SLC17A6: variants seen among roughly 807,000 people sequenced by gnomAD.
SLC17A6 encodes solute carrier family 17 member 6.
A neutral mutation model predicts 67.1 loss-of-function variants in SLC17A6; 35 were observed. The observed-to-expected ratio is 0.52, with a 90% CI of 0.40 to 0.69. SLC17A6 has a LOEUF of 0.69. Ranked by LOEUF, SLC17A6 falls within the 30% of genes least tolerant of loss-of-function variation. The probability of loss-of-function intolerance (pLI) is 0.00; values close to 1 mark genes in which losing one functional copy is unlikely to be tolerated. For missense variants in SLC17A6, 588 were observed against 723.9 expected, an observed-to-expected ratio of 0.81 and a Z score of 2.15; for synonymous variants, 285 against 252.3, an observed-to-expected ratio of 1.13 and a Z score of -1.23.
chr11:22,367,924 T>C (rs1181204796), intron 7 of SLC17A6, among the ~76,000 whole-genome samples: 2 of 152,188 alleles, frequency 1.3e-5, no homozygotes, highest in African/African-American at 4.8e-5. Flanking sequence ...GAACTTGCAT[T>C]TTAGTTAATT....
chr11:22,368,112 A>T (rs1229377328), intron 7 of SLC17A6, among the ~76,000 whole-genome samples: 1 of 152,188 alleles, frequency 6.6e-6, no homozygotes, highest in Non-Finnish European at 1.5e-5. Flanking sequence ...ATCCATAAAT[A>T]CTTCATATGC....
Position 22,378,721 on chromosome 11 carries a change from A to G in SLC17A6, c.*981A>G, listed in dbSNP as rs1856261860. ...TATGAAACTTGTGCCACAGAGCTAT[A>G]TATAATATGAAAAGATTAACTTCAT... On this transcript the variant is annotated 3_prime_UTR_variant, in exon 12 of 12. Coordinates refer to ENST00000263160, the MANE Select transcript of SLC17A6 (RefSeq NM_020346.3). 6.6e-6 allele frequency: 1 copy of G among 152,304 alleles called. No homozygotes were observed. 9.4% of individuals were successfully genotyped at this position (152,304 alleles called of 1,614,324 possible).
Position 22,374,965 on chromosome 11 carries a change from A to G in SLC17A6, c.1174+78A>G, listed in dbSNP as rs1856216669. The stretch of plus-strand genomic sequence containing the variant: ...TACATGAGAGAATAACTTTTTCTAC[A>G]CATATCAAATTACTTAGATGCAGTT... On this transcript the variant is annotated intron_variant, in intron 9 of 11. Coordinates refer to ENST00000263160, the MANE Select transcript of SLC17A6 (RefSeq NM_020346.3). The G allele has an allele frequency of 3.7e-6, 5 of 1,349,116 alleles. No individual in the cohort carries two copies. The African/African-American group carries it at 4.5e-5, about 12-fold the overall frequency. The allele number at this position is 1,349,116 out of a possible 1,614,324, so 83.6% of individuals were successfully genotyped here.
chr11:22,369,040 A>C (rs1856144214), intron 7 of SLC17A6, among the ~76,000 whole-genome samples: 1 of 151,492 alleles, frequency 6.6e-6, no homozygotes, highest in African/African-American at 2.4e-5. Context: ...ATAATTGTTA[A>C]ATCCACGTGA....
intron 1 of SLC17A6, 104 bp from the exon 2 acceptor site, chr11:22,341,424 C>A (rs1272529014): frequency 1.3e-6 from 2 of 1,489,488 alleles, no homozygotes; most frequent in East Asian, 2.3e-5. Flanking sequence ...GGGAGGTCGA[C>A]GGCCCTCCTC....
intron 7 of SLC17A6, among the ~76,000 whole-genome samples, chr11:22,367,310 T>C (rs1030685697): frequency 3.9e-5 from 6 of 152,118 alleles, no homozygotes; most frequent in African/African-American, 1.4e-4. Flanking sequence ...TCACCCATTA[T>C]TGTTGAGCCA....
chr11:22,374,072 A>G (rs1048839969), intron 8 of SLC17A6, among the ~76,000 whole-genome samples: 2 of 152,162 alleles, frequency 1.3e-5, no homozygotes, highest in African/African-American at 4.8e-5. Context: ...TGTCCCCATA[A>G]TGCTTACAAC....
At chr11:22,346,780 G>A (rs1279086865) in intron 3 of SLC17A6, among the ~76,000 whole-genome samples, 3 of 149,472 alleles carry the variant, frequency 2.0e-5, no homozygotes, top group Non-Finnish European at 4.4e-5. Flanking sequence ...GAAGAACACG[G>A]ACACGTGTTT....
At chr11:22,346,695 C>A (rs188976341) in intron 3 of SLC17A6, among the ~76,000 whole-genome samples, 1 of 151,634 alleles carries the variant, frequency 6.6e-6, no homozygotes, top group Non-Finnish European at 1.5e-5. Context: ...TACAGGACAT[C>A]GGCTTATAGT....
chr11:22,355,022 A>G (rs1564981463), intron 3 of SLC17A6, among the ~76,000 whole-genome samples: 1 of 152,244 alleles, frequency 6.6e-6, no homozygotes, highest in Non-Finnish European at 1.5e-5. Context: ...ACAACACATT[A>G]GTATTATTAT....
chr11:22,359,908 T>C (rs945819173), intron 4 of SLC17A6, among the ~76,000 whole-genome samples: 3 of 152,108 alleles, frequency 2.0e-5, no homozygotes, highest in African/African-American at 7.2e-5. Flanking sequence ...CTGATGGCCT[T>C]GAATCACGAT....
chr11:22,345,187 T>C (rs1855863143), intron 3 of SLC17A6, among the ~76,000 whole-genome samples: 1 of 151,572 alleles, frequency 6.6e-6, no homozygotes, highest in African/African-American at 2.4e-5. Flanking sequence ...AGGAAGTCAG[T>C]AAACGGGTTT....
chr11:22,344,219 T>A (rs1855851218), intron 3 of SLC17A6, among the ~76,000 whole-genome samples: 1 of 152,184 alleles, frequency 6.6e-6, no homozygotes, highest in Non-Finnish European at 1.5e-5. Context: ...TCTTTCTGCT[T>A]AGATACCGCA....
Position 22,356,915 on chromosome 11 carries a change from G to A in SLC17A6, c.459-2498G>A, listed in dbSNP as rs543407536. ...TAGAAACATTATTCAGAGTAAGAAT[G>A]AAAAGTAAACATTAAAAGTAATCTT... On this transcript the variant is annotated intron_variant, in intron 3 of 11. Transcript: ENST00000263160. Among the ~76,000 whole-genome samples the A allele has an allele frequency of 4.0e-3, 608 of 152,280 alleles. 1 individual carries two copies. The highest frequency in any genetic ancestry group is 7.2e-3 in the Non-Finnish European group (487 of 68,018).
intron 3 of SLC17A6, among the ~76,000 whole-genome samples, chr11:22,348,158 A>G (rs1166128139): frequency 6.6e-6 from 1 of 152,184 alleles, no homozygotes; most frequent in African/African-American, 2.4e-5. Context: ...CACTTGTCTG[A>G]TGATACATGA....
chr11:22,345,188 A>T (rs1352959912), intron 3 of SLC17A6, among the ~76,000 whole-genome samples: 1 of 151,962 alleles, frequency 6.6e-6, no homozygotes, highest in Non-Finnish European at 1.5e-5. Context: ...GGAAGTCAGT[A>T]AACGGGTTTT....
intron 2 of SLC17A6, chr11:22,342,892 T>C: frequency 2.1e-6 from 1 of 466,102 alleles, no homozygotes; most frequent in Non-Finnish European, 4.3e-6. Context: ...AGTGGACCCC[T>C]GACAGGCGTC....
intron 8 of SLC17A6, among the ~76,000 whole-genome samples, chr11:22,373,407 T>A (rs1022206117): frequency 2.0e-5 from 3 of 152,140 alleles, no homozygotes; most frequent in African/African-American, 7.2e-5. Flanking sequence ...TTACTCCATA[T>A]TAAGAATAAA....
At chr11:22,348,830 T>C (rs1855906283) in intron 3 of SLC17A6, among the ~76,000 whole-genome samples, 1 of 152,218 alleles carries the variant, frequency 6.6e-6, no homozygotes, top group Non-Finnish European at 1.5e-5. Context: ...GGCATAATTA[T>C]GAAACATCTC....
Sources: allele counts gnomAD v4.1 joint callset (sites outside exome capture counted in the v4.1 genomes callset), GRCh38; gene constraint gnomAD v4.1.1; transcripts MANE v1.5; gene names NCBI Gene and HGNC (gene_info 2026-07-23, HGNC 2026-07-21).